The following MEIKIN variants were observed in gnomAD, a reference collection of about 807,000 sequenced individuals.
The protein encoded by MEIKIN is meiosis-specific kinetochore protein.
chr5:131,834,821 A>C (rs1003120787), intron 11 of MEIKIN, among the ~76,000 whole-genome samples: 1 of 152,144 alleles, frequency 6.6e-6, no homozygotes, highest in African/African-American at 2.4e-5. Context: ...GAATATATAC[A>C]CAAAGTTGAA....
intron 11 of MEIKIN, among the ~76,000 whole-genome samples, chr5:131,845,268 G>A (rs185940275): frequency 0.022 from 1,746 of 78,232 alleles, 74 homozygotes; most frequent in African/African-American, 0.17. Context: ...AGAAGACTTC[G>A]TCTTAAAAAA....
At chr5:131,895,015 A>G (rs574098772) in intron 8 of MEIKIN, among the ~76,000 whole-genome samples, 2 of 152,338 alleles carry the variant, frequency 1.3e-5, no homozygotes, top group Non-Finnish European at 2.9e-5. Context: ...TTGCCCATTC[A>G]GTATGATATT....
chr5:131,824,870 A>C (rs1262291692), intron 11 of MEIKIN, among the ~76,000 whole-genome samples: 1 of 152,146 alleles, frequency 6.6e-6, no homozygotes, highest in African/African-American at 2.4e-5. Context: ...AAAAATTAGA[A>C]TATACAAAGA....
chr5:131,871,304 T>C (rs1750491829), intron 9 of MEIKIN, among the ~76,000 whole-genome samples: 1 of 152,216 alleles, frequency 6.6e-6, no homozygotes, highest in Non-Finnish European at 1.5e-5. Flanking sequence ...CCCACCCTAA[T>C]ACTGCACTTT....
intron 5 of MEIKIN, among the ~76,000 whole-genome samples, chr5:131,922,621 ACTG>A (rs906404077): frequency 2.0e-5 from 3 of 152,116 alleles, no homozygotes; most frequent in Middle Eastern, 3.2e-3. Flanking sequence ...CTGTACGTAA[ACTG>A]CTATTACTTA....
intron 12 of MEIKIN, among the ~76,000 whole-genome samples, chr5:131,814,832 G>A (rs1309184925): frequency 1.3e-5 from 2 of 152,092 alleles, no homozygotes; most frequent in African/African-American, 4.8e-5. Flanking sequence ...GGCAAGAATG[G>A]AGGTCATACA....
chr5:131,897,660 T>G (rs758167668), intron 8 of MEIKIN, among the ~76,000 whole-genome samples: 1 of 152,174 alleles, frequency 6.6e-6, no homozygotes, highest in Non-Finnish European at 1.5e-5. Context: ...CTGATATCCT[T>G]TCTTCCACTT....
chr5:131,840,719 T>C (rs953446527), intron 11 of MEIKIN, among the ~76,000 whole-genome samples: 1 of 152,234 alleles, frequency 6.6e-6, no homozygotes, highest in Admixed American at 6.5e-5. Flanking sequence ...TTCTTTTCTA[T>C]ACTGGCTTTT....
chr5:131,906,710 C>G (rs1163993399), intron 8 of MEIKIN, among the ~76,000 whole-genome samples: 1 of 152,072 alleles, frequency 6.6e-6, no homozygotes, highest in African/African-American at 2.4e-5. Context: ...AATATGTCCT[C>G]AGCAGTAACG....
intron 8 of MEIKIN, among the ~76,000 whole-genome samples, chr5:131,896,257 G>T (rs1358100166): frequency 1.3e-5 from 2 of 152,112 alleles, no homozygotes; most frequent in Non-Finnish European, 2.9e-5. Context: ...GAGACAGTTT[G>T]TGTGATTTCT....
intron 8 of MEIKIN, among the ~76,000 whole-genome samples, chr5:131,887,364 G>A (rs1034957962): frequency 1.3e-5 from 2 of 152,162 alleles, no homozygotes; most frequent in East Asian, 3.8e-4. Context: ...CCAGTAAGGG[G>A]ACCACTGGGT....
intron 5 of MEIKIN, among the ~76,000 whole-genome samples, chr5:131,928,523 C>T (rs1329128856): frequency 6.6e-6 from 1 of 152,188 alleles, no homozygotes; most frequent in Non-Finnish European, 1.5e-5. Flanking sequence ...AAAAACTACA[C>T]TTATACTTCT....
At chr5:131,865,208 T>G (rs1750361571) in intron 9 of MEIKIN, among the ~76,000 whole-genome samples, 1 of 135,344 alleles carries the variant, frequency 7.4e-6, no homozygotes, top group Non-Finnish European at 1.6e-5. Flanking sequence ...TGAATTCTTT[T>G]TCCTGGGATT....
chr5:131,887,425 C>T (rs1750818480), intron 8 of MEIKIN, among the ~76,000 whole-genome samples: 1 of 152,144 alleles, frequency 6.6e-6, no homozygotes, highest in African/African-American at 2.4e-5. Context: ...CACTGTCTTC[C>T]ACAATGGTTG....
intron 8 of MEIKIN, among the ~76,000 whole-genome samples, chr5:131,888,082 G>A (rs1376939337): frequency 5.4e-4 from 79 of 145,536 alleles, no homozygotes; most frequent in African/African-American, 1.9e-3. Context: ...GTATATATGC[G>A]CCACATTTTC....
Position 131,923,668 on chromosome 5 carries a change from C to T in MEIKIN, c.479-1727G>A, listed in dbSNP as rs144201878. ...TTCATAGCATCCTATTCTTATTTAA[C>T]GGATAAAATACATATTTTCTTATCT... On this transcript the variant is annotated intron_variant, in intron 5 of 12. Transcript: ENST00000442687. 1.5e-3 allele frequency among the ~76,000 whole-genome samples: 221 copies of T among 151,740 alleles called. 3 individuals are homozygous for T. The East Asian group carries it at 0.025, about 17-fold the overall frequency.
At chr5:131,922,662 T>C (rs1447674870) in intron 5 of MEIKIN, among the ~76,000 whole-genome samples, 3 of 152,106 alleles carry the variant, frequency 2.0e-5, no homozygotes, top group Admixed American at 1.3e-4. Context: ...TCTAGTGACT[T>C]CCCACTATGG....
chr5:131,885,339 GA>G (rs1346365385), intron 8 of MEIKIN, among the ~76,000 whole-genome samples: 17 of 106,912 alleles, frequency 1.6e-4, no homozygotes, highest in Non-Finnish European at 2.5e-4. Flanking sequence ...ACTCAGAACT[GA>G]AAGAGAGAGA....
At chr5:131,850,933 G>A (rs1750105065) in intron 11 of MEIKIN, among the ~76,000 whole-genome samples, 1 of 151,960 alleles carries the variant, frequency 6.6e-6, no homozygotes, top group African/African-American at 2.4e-5. Context: ...AGAGGACAGA[G>A]TGAGACTCTG....
Sources: allele counts gnomAD v4.1 joint callset (sites outside exome capture counted in the v4.1 genomes callset), GRCh38; gene constraint gnomAD v4.1.1; transcripts MANE v1.5; gene names NCBI Gene and HGNC (gene_info 2026-07-23, HGNC 2026-07-21).